The following CEP85L variants were observed in gnomAD, a reference collection of about 807,000 sequenced individuals.
CEP85L encodes centrosomal protein of 85 kDa-like.
CEP85L carries 60 observed loss-of-function variants against 100.3 expected under a neutral mutation model. The observed-to-expected ratio is 0.60, with a 90% CI of 0.49 to 0.74. CEP85L has a LOEUF of 0.74. Among genes scored for constraint, CEP85L ranks in the 30% least tolerant of loss-of-function variants. The pLI is 0.00. For missense variants in CEP85L, 973 were observed against 936.2 expected (o/e 1.04, Z -0.51); for synonymous variants, 319 against 322.7 (o/e 0.99, Z 0.12).
At chr6:118,669,180 A>G (rs987186907) in intron 1 of CEP85L, among the ~76,000 whole-genome samples, 1 of 152,226 alleles carries the variant, frequency 6.6e-6, no homozygotes, top group Non-Finnish European at 1.5e-5. Context: ...ACACAGAGGT[A>G]ACAGATAGGG....
At chr6:118,681,516 C>G (rs1844963) in intron 1 of CEP85L, among the ~76,000 whole-genome samples, 68,909 of 151,866 alleles carry the variant, frequency 0.45, 16,266 homozygotes, top group African/African-American at 0.57. Context: ...TTTTGAAGAA[C>G]ACTTAACAGA....
intron 1 of CEP85L, among the ~76,000 whole-genome samples, chr6:118,636,556 G>C (rs561564902): frequency 1.4e-5 from 2 of 143,078 alleles, no homozygotes; most frequent in East Asian, 3.9e-4. Context: ...CATTACTTCC[G>C]TGAAGGTGTT....
chr6:118,590,149 T>C (rs1676403259), intron 2 of CEP85L, among the ~76,000 whole-genome samples: 1 of 152,056 alleles, frequency 6.6e-6, no homozygotes, highest in Admixed American at 6.6e-5. Context: ...CCCCCCTCAC[T>C]CTGTTTCCTG....
intron 1 of CEP85L, among the ~76,000 whole-genome samples, chr6:118,695,669 T>C (rs1048283361): frequency 3.9e-5 from 6 of 152,256 alleles, no homozygotes; most frequent in African/African-American, 1.4e-4. Flanking sequence ...CATTTTGTCT[T>C]ATAGCTGTTC....
intron 5 of CEP85L, among the ~76,000 whole-genome samples, chr6:118,493,483 A>G (rs1212141118): frequency 1.3e-5 from 2 of 152,228 alleles, no homozygotes; most frequent in Middle Eastern, 3.2e-3. Context: ...AGCTAGATTC[A>G]GTGAACAAGA....
intron 1 of CEP85L, among the ~76,000 whole-genome samples, chr6:118,669,229 C>T (rs920824036): frequency 2.6e-5 from 4 of 152,156 alleles, no homozygotes; most frequent in African/African-American, 9.7e-5. Context: ...AACAGCTGTT[C>T]CCTTCTCTCA....
At chr6:118,661,861 C>A (rs1402720198) in intron 1 of CEP85L, among the ~76,000 whole-genome samples, 1 of 152,206 alleles carries the variant, frequency 6.6e-6, no homozygotes, top group Non-Finnish European at 1.5e-5. Context: ...ACTAAAGCCA[C>A]CTCATAAACC....
intron 1 of CEP85L, among the ~76,000 whole-genome samples, chr6:118,646,104 C>G (rs1775168954): frequency 6.6e-6 from 1 of 152,178 alleles, no homozygotes; most frequent in Non-Finnish European, 1.5e-5. Flanking sequence ...GTAGTCCCAG[C>G]TACTCGGGAG....
chr6:118,618,107 C>A (rs1033264015), intron 2 of CEP85L, among the ~76,000 whole-genome samples: 5 of 152,106 alleles, frequency 3.3e-5, no homozygotes, highest in Non-Finnish European at 7.4e-5. Context: ...GAGTGCTCAG[C>A]AAATGTCATG....
At chr6:118,669,863 G>T (rs34017055) in intron 1 of CEP85L, among the ~76,000 whole-genome samples, 1 of 151,124 alleles carries the variant, frequency 6.6e-6, no homozygotes, top group Non-Finnish European at 1.5e-5. Context: ...GTGGTAGAGC[G>T]CTGAATTGAC....
intron 2 of CEP85L, among the ~76,000 whole-genome samples, chr6:118,599,730 CT>C (rs1416054213): frequency 1.4e-5 from 2 of 143,650 alleles, no homozygotes; most frequent in Non-Finnish European, 2.9e-5. Flanking sequence ...TTATGTACCC[CT>C]GATATGATAT....
chr6:118,512,742 G>A (rs1257538103), intron 4 of CEP85L, among the ~76,000 whole-genome samples: 1 of 152,058 alleles, frequency 6.6e-6, no homozygotes, highest in Non-Finnish European at 1.5e-5. Flanking sequence ...CAGCTCTAAT[G>A]CCACCTAACA....
At position 118,470,633 on chromosome 6, in the gene CEP85L, T is replaced by C; in HGVS notation, c.1926A>G (p.Gly642=). The C allele has an allele frequency of 6.3e-7, 1 of 1,589,470 alleles. No homozygotes were observed. The highest frequency in any genetic ancestry group is 8.6e-7 in the Non-Finnish European group (1 of 1,168,226). Residue 642 remains glycine (G), a synonymous_variant, in exon 11 of 13, where the codon GGA becomes GGG. Coordinates refer to ENST00000368491, the MANE Select transcript of CEP85L (RefSeq NM_001042475.3). ...TGGTCAGTTTCTCTTTAGAAAGCTT[T>C]CCTTGCATAGACTAGAATTTTTAAA... is the stretch of plus-strand genomic sequence containing the variant. ...RMILEIQSMQ[G]KLSKEKLTTQ... is the part of the protein sequence containing the mutation.
chr6:118,590,790 CCT>C (rs1253969798), intron 2 of CEP85L, among the ~76,000 whole-genome samples: 2 of 152,146 alleles, frequency 1.3e-5, no homozygotes, highest in African/African-American at 4.8e-5. Flanking sequence ...TCACTACCCT[CCT>C]CTCTCCCCAG....
intron 5 of CEP85L, among the ~76,000 whole-genome samples, chr6:118,499,899 A>G (rs571229879): frequency 6.6e-6 from 1 of 152,250 alleles, no homozygotes; most frequent in East Asian, 1.9e-4. Flanking sequence ...AATAAGACAA[A>G]AAGAGTACAT....
chr6:118,688,358 G>C (rs1776909388), intron 1 of CEP85L, among the ~76,000 whole-genome samples: 1 of 152,134 alleles, frequency 6.6e-6, no homozygotes, highest in Non-Finnish European at 1.5e-5. Context: ...CTCCCAAACA[G>C]AATGCAAGCT....
At chr6:118,485,802 A>G (rs966033945) in intron 6 of CEP85L, among the ~76,000 whole-genome samples, 1 of 152,246 alleles carries the variant, frequency 6.6e-6, no homozygotes, top group Non-Finnish European at 1.5e-5. Context: ...CCATCAACCA[A>G]GCCTGCTCTT....
intron 3 of CEP85L, among the ~76,000 whole-genome samples, chr6:118,536,185 T>C (rs1178336609): frequency 6.6e-6 from 1 of 152,108 alleles, no homozygotes; most frequent in East Asian, 1.9e-4. Flanking sequence ...ACTACTATTA[T>C]ACAAAACAAC....
chr6:118,570,980 A>T (rs1779852704), intron 2 of CEP85L, among the ~76,000 whole-genome samples: 1 of 152,082 alleles, frequency 6.6e-6, no homozygotes, highest in Non-Finnish European at 1.5e-5. Flanking sequence ...AGAATTAAAT[A>T]TTTAGTATTT....
Sources: gnomAD v4.1 joint callset for allele counts (sites outside exome capture counted in the v4.1 genomes callset) on GRCh38, gnomAD v4.1.1 for gene constraint, MANE v1.5 for transcripts, NCBI Gene and HGNC (gene_info 2026-07-23, HGNC 2026-07-21) for gene names.